ADAMTS17: variants seen among roughly 807,000 people sequenced by gnomAD.
ADAMTS17 encodes the protein A disintegrin and metalloproteinase with thrombospondin motifs 17.
Under a neutral mutation model 141.5 loss-of-function variants are expected in ADAMTS17, and 113 were observed. The observed-to-expected ratio is 0.80, with a 90% CI of 0.69 to 0.93. ADAMTS17 has a LOEUF of 0.93. Among genes scored for constraint, ADAMTS17 ranks in the 40% least tolerant of loss-of-function variants. The probability of loss-of-function intolerance (pLI) is 0.00; values close to 1 mark genes in which losing one functional copy is unlikely to be tolerated. For missense variants in ADAMTS17, 1,659 were observed against 1,517.9 expected (o/e 1.09, Z -1.54); for synonymous variants, 768 against 630.6 (o/e 1.22, Z -3.27).
chr15:100,283,197 T>G (rs916567624), intron 3 of ADAMTS17, among the ~76,000 whole-genome samples: 2 of 152,202 alleles, frequency 1.3e-5, no homozygotes, highest in Non-Finnish European at 2.9e-5. Context: ...CCCTGCAGGA[T>G]GGGCCTCCTC....
chr15:100,306,656 A>C, intron 3 of ADAMTS17: 1 of 445,688 alleles, frequency 2.2e-6, no homozygotes, highest in Middle Eastern at 3.8e-4. Context: ...TGGCAATTTC[A>C]AACGACTCAG....
intron 7 of ADAMTS17, among the ~76,000 whole-genome samples, chr15:100,232,218 G>T (rs1473447317): frequency 1.3e-5 from 2 of 152,226 alleles, no homozygotes; most frequent in South Asian, 4.1e-4. Flanking sequence ...TTCCTCACCA[G>T]AACTAGGCTA....
intron 18 of ADAMTS17, among the ~76,000 whole-genome samples, chr15:100,002,497 T>TGGG (rs2060949458): frequency 6.6e-6 from 1 of 151,908 alleles, no homozygotes; most frequent in African/African-American, 2.4e-5. Context: ...CAGGACACAC[T>TGGG]GGGGGGACGA....
intron 17 of ADAMTS17, among the ~76,000 whole-genome samples, chr15:100,050,103 T>C (rs2032023413): frequency 6.6e-6 from 1 of 152,184 alleles, no homozygotes; most frequent in Non-Finnish European, 1.5e-5. Context: ...TGAACTCCAC[T>C]GCCAGTTGCT....
chr15:100,223,225 T>G (rs1475721021), intron 7 of ADAMTS17, among the ~76,000 whole-genome samples: 2 of 152,186 alleles, frequency 1.3e-5, no homozygotes, highest in African/African-American at 4.8e-5. Context: ...AGCCACGCCT[T>G]AGCTCCAGCT....
At position 99,974,349 on chromosome 15, in the gene ADAMTS17, T is replaced by C; in HGVS notation, c.*53A>G. 6.2e-7 allele frequency: 1 copy of C among 1,610,976 alleles called. No homozygotes were observed. The highest frequency in any genetic ancestry group is 1.1e-5 in the South Asian group (1 of 90,976). On this transcript the variant is annotated 3_prime_UTR_variant, in exon 22 of 22. Coordinates refer to ENST00000268070, the MANE Select transcript of ADAMTS17 (RefSeq NM_139057.4). The stretch of plus-strand genomic sequence containing the variant: ...GCCACAAGGCTGGTAGGCTTGCGGG[T>C]GGGTGGGTTTCAGACCTGAGTCTGA...
At chr15:100,195,753 CTA>C (rs1414321876) in intron 8 of ADAMTS17, among the ~76,000 whole-genome samples, 3 of 151,986 alleles carry the variant, frequency 2.0e-5, no homozygotes, top group Non-Finnish European at 4.4e-5. Context: ...CCAGCAGCAG[CTA>C]TACACATGGA....
intron 8 of ADAMTS17, among the ~76,000 whole-genome samples, chr15:100,158,569 T>A (rs2039545093): frequency 6.6e-6 from 1 of 152,032 alleles, no homozygotes; most frequent in African/African-American, 2.4e-5. Context: ...AACTCGATGC[T>A]TACTGACGAG....
At chr15:100,244,557 C>G (rs575761145) in intron 7 of ADAMTS17, among the ~76,000 whole-genome samples, 1 of 151,830 alleles carries the variant, frequency 6.6e-6, no homozygotes, top group African/African-American at 2.4e-5. Flanking sequence ...CTCATGAGAT[C>G]GGATGGTTTC....
Position 100,341,921 on chromosome 15 carries a change from C to T in ADAMTS17, c.-22G>A, listed in dbSNP as rs760846321. Reference sequence around the variant, plus strand: ...ACATGGTACCCGGGACCGGCAGCCCCCCCGGACCGTGGCGGCGAAGCAGGA... The same window carrying T: ...ACATGGTACCCGGGACCGGCAGCCCTCCCGGACCGTGGCGGCGAAGCAGGA... On this transcript the variant is annotated 5_prime_UTR_variant, in exon 1 of 22. Transcript: ENST00000268070. 5.0e-4 allele frequency: 770 copies of T among 1,549,006 alleles called. 1 individual carries two copies. Among genetic ancestry groups the T allele is most frequent in the Non-Finnish European group, 5.7e-4 (659 of 1,146,352 alleles).
chr15:100,094,404 AGAG>A (rs1479370627), intron 15 of ADAMTS17, among the ~76,000 whole-genome samples: 1 of 152,216 alleles, frequency 6.6e-6, no homozygotes, highest in African/African-American at 2.4e-5. Flanking sequence ...GGTGAGCAGG[AGAG>A]GAGGACATTA....
At chr15:100,209,296 G>A (rs558477024) in intron 7 of ADAMTS17, among the ~76,000 whole-genome samples, 4 of 152,228 alleles carry the variant, frequency 2.6e-5, no homozygotes, top group Admixed American at 6.5e-5. Flanking sequence ...GACACCTCTC[G>A]GGGCCCTGCT....
At chr15:100,044,836 C>A (rs1447923680) in intron 18 of ADAMTS17, among the ~76,000 whole-genome samples, 2 of 146,912 alleles carry the variant, frequency 1.4e-5, no homozygotes, top group Non-Finnish European at 3.0e-5. Context: ...GAGACGGAGT[C>A]TGGCTTAATC....
intron 1 of ADAMTS17, among the ~76,000 whole-genome samples, 159 bp from the exon 2 acceptor site, chr15:100,341,568 GGGGA>G (rs2046368631): frequency 6.7e-6 from 1 of 149,256 alleles, no homozygotes. Context: ...CGCGCCACCC[GGGGA>G]GGGTCTCCGG....
chr15:100,299,762 G>A (rs1162418373), intron 3 of ADAMTS17, among the ~76,000 whole-genome samples: 3 of 152,108 alleles, frequency 2.0e-5, no homozygotes, highest in Non-Finnish European at 2.9e-5. Context: ...ATGCAAAGGG[G>A]CCAGGCCATT....
intron 7 of ADAMTS17, among the ~76,000 whole-genome samples, chr15:100,242,612 G>GCA (rs1309743916): frequency 6.6e-6 from 1 of 152,054 alleles, no homozygotes; most frequent in Non-Finnish European, 1.5e-5. Context: ...TCCCCGTCCT[G>GCA]CACACACCAC....
intron 7 of ADAMTS17, among the ~76,000 whole-genome samples, chr15:100,207,848 G>T (rs1166111560): frequency 6.6e-6 from 1 of 152,048 alleles, no homozygotes; most frequent in Non-Finnish European, 1.5e-5. Flanking sequence ...GCCAAACGTG[G>T]ACCCATCACT....
intron 10 of ADAMTS17, among the ~76,000 whole-genome samples, chr15:100,145,323 T>C (rs531369139): frequency 1.3e-5 from 2 of 152,064 alleles, no homozygotes; most frequent in Non-Finnish European, 2.9e-5. Flanking sequence ...GAGAACAGAG[T>C]CCTCCAAATT....
chr15:100,278,772 T>C (rs1402872800), intron 4 of ADAMTS17, among the ~76,000 whole-genome samples: 1 of 152,182 alleles, frequency 6.6e-6, no homozygotes, highest in Non-Finnish European at 1.5e-5. Context: ...CCACACCCAG[T>C]GGGCCCAGGA....
Sources: gnomAD v4.1 joint callset for allele counts (sites outside exome capture counted in the v4.1 genomes callset) on GRCh38, gnomAD v4.1.1 for gene constraint, MANE v1.5 for transcripts, NCBI Gene and HGNC (gene_info 2026-07-23, HGNC 2026-07-21) for gene names.